The following ZNF782 variants were observed in gnomAD, a reference collection of about 807,000 sequenced individuals.
ZNF782 encodes the protein zinc finger protein 782.
Under a neutral mutation model 13.0 loss-of-function variants are expected in ZNF782, and 12 were observed. The observed-to-expected ratio is 0.92, with a 90% confidence interval of 0.59 to 1.50. The LOEUF is 1.50. Among genes scored for constraint, ZNF782 ranks in the 40% most tolerant of loss-of-function variants. ZNF782 has a pLI of 0.00. For missense variants in ZNF782, 770 were observed against 822.9 expected, an observed-to-expected ratio of 0.94 and a Z score of 0.79; for synonymous variants, 284 against 283.0, an observed-to-expected ratio of 1.00 and a Z score of -0.04.
intron 1 of ZNF782, among the ~76,000 whole-genome samples, chr9:96,862,333 A>G (rs1464631660): frequency 6.6e-6 from 1 of 152,236 alleles, no homozygotes; most frequent in African/African-American, 2.4e-5. Flanking sequence ...ACTACTGTCA[A>G]TAATTATTTA....
At chr9:96,849,896 AT>A (rs1851441703) in intron 3 of ZNF782, among the ~76,000 whole-genome samples, 1 of 152,202 alleles carries the variant, frequency 6.6e-6, no homozygotes, top group Non-Finnish European at 1.5e-5. Context: ...CAATAAACAC[AT>A]GAAAAAAAAA....
At chr9:96,861,978 C>CT (rs1327439789) in intron 1 of ZNF782, among the ~76,000 whole-genome samples, 1 of 152,210 alleles carries the variant, frequency 6.6e-6, no homozygotes, top group Non-Finnish European at 1.5e-5. Context: ...TATTGCAGCA[C>CT]TGTTCACAAC....
chr9:96,877,821 G>C (rs184229072), upstream of ZNF782, among the ~76,000 whole-genome samples: 1 of 152,110 alleles, frequency 6.6e-6, no homozygotes, highest in Non-Finnish European at 1.5e-5. Flanking sequence ...TTTTTGGGGG[G>C]AAGGACAAAA....
Position 96,819,142 on chromosome 9 carries a change from A to C in ZNF782, c.881T>G (p.Phe294Cys), listed in dbSNP as rs1850307348. The C allele has an allele frequency of 1.9e-6, 3 of 1,613,728 alleles. No individual in the cohort carries two copies. The East Asian group carries it at 6.7e-5, about 36-fold the overall frequency. Residue 294 changes from phenylalanine to cysteine, a missense_variant, in exon 6 of 6, where the codon TTC becomes TGC. By Grantham distance (205) the Phe-to-Cys change is radical. Transcript: ENST00000481138. ...THKTLTGGKS[F>C]SQKSHIREHH... ...TTCTCTAATGTGTGACTTTTGGCTG[A>C]AGGATTTCCCTCCTGTGAGAGTTTT... is the stretch of plus-strand genomic sequence containing the variant.
the ZNF782 span, among the ~76,000 whole-genome samples, chr9:96,925,999 A>C: frequency 7.7e-6 from 1 of 130,482 alleles, no homozygotes; most frequent in East Asian, 2.3e-4. Context: ...TTTAGCCACC[A>C]CCTTCTATGG....
At chr9:96,851,462 T>G (rs919495999) in intron 3 of ZNF782, among the ~76,000 whole-genome samples, 2 of 152,172 alleles carry the variant, frequency 1.3e-5, no homozygotes, top group Non-Finnish European at 2.9e-5. Context: ...TTTCCTTTCA[T>G]GAGACAACCA....
intron 2 of ZNF782, among the ~76,000 whole-genome samples, chr9:96,861,179 G>T (rs908604735): frequency 6.6e-6 from 1 of 152,132 alleles, no homozygotes; most frequent in Non-Finnish European, 1.5e-5. Context: ...ATATTGGACT[G>T]GGCAAATATT....
chr9:96,900,001 G>A, the ZNF782 span, among the ~76,000 whole-genome samples: 2 of 152,058 alleles, frequency 1.3e-5, no homozygotes, highest in African/African-American at 4.8e-5. Flanking sequence ...GTTTTGCCAC[G>A]TTGCCCAGGC....
intron 1 of ZNF782, 127 bp from the exon 2 acceptor site, chr9:96,853,196 C>G (rs1851553326): frequency 6.6e-6 from 1 of 152,530 alleles, no homozygotes; most frequent in African/African-American, 2.4e-5. Context: ...CCCTGGCCAC[C>G]ACCTAGCCCA....
the ZNF782 span, chr9:96,894,316 CA>C: frequency 2.0e-5 from 3 of 151,948 alleles, no homozygotes; most frequent in Non-Finnish European, 4.4e-5. Flanking sequence ...ACGTTGTGCA[CA>C]TGTACCCTAG....
intron 4 of ZNF782, among the ~76,000 whole-genome samples, chr9:96,840,607 A>C (rs1851157640): frequency 6.6e-6 from 1 of 152,034 alleles, no homozygotes; most frequent in Non-Finnish European, 1.5e-5. Flanking sequence ...CAAAAAGTGG[A>C]TATTAATTAA....
chr9:96,852,236 T>C (rs1851513973), intron 2 of ZNF782, among the ~76,000 whole-genome samples: 1 of 152,222 alleles, frequency 6.6e-6, no homozygotes, highest in South Asian at 2.1e-4. Flanking sequence ...CATAAACTTT[T>C]CCCAATTGAT....
chr9:96,921,263 G>T, the ZNF782 span, among the ~76,000 whole-genome samples: 1 of 148,940 alleles, frequency 6.7e-6, no homozygotes, highest in Admixed American at 6.7e-5. Flanking sequence ...GAGTGTGGTG[G>T]CTCACGCCTG....
chr9:96,818,709 T>G lies in ZNF782; in HGVS notation c.1314A>C (p.Arg438Ser). The change falls in exon 6 of 6, where the codon AGA (arginine) becomes AGC (serine). Residue 438 changes from arginine to serine, a missense_variant. Transcript: ENST00000481138. ...DKAFSAKSGL[R>S]IHQRTHTGEK... The stretch of plus-strand genomic sequence containing the variant: ...CCCCTGTGTGGGTTCTCTGGTGTAT[T>G]CTTAGGCCTGACTTTGCACTGAAAG... 6.2e-7 allele frequency: 1 copy of G among 1,613,738 alleles called. No individual in the cohort carries two copies. Among genetic ancestry groups the G allele is most frequent in the Non-Finnish European group, 8.5e-7 (1 of 1,179,944 alleles).
chr9:96,897,195 T>C, the ZNF782 span, among the ~76,000 whole-genome samples: 13 of 152,336 alleles, frequency 8.5e-5, no homozygotes, highest in East Asian at 2.1e-3. Flanking sequence ...GAGAGTTTCA[T>C]GTGCCTGACG....
chr9:96,880,298 C>T (rs553364206), upstream of ZNF782, among the ~76,000 whole-genome samples: 158 of 152,122 alleles, frequency 1.0e-3, no homozygotes, highest in African/African-American at 3.6e-3. Flanking sequence ...ATTGTAATGG[C>T]CAGGATTCCC....
the ZNF782 span, among the ~76,000 whole-genome samples, chr9:96,926,477 G>C: frequency 6.6e-6 from 1 of 152,226 alleles, no homozygotes; most frequent in Non-Finnish European, 1.5e-5. Flanking sequence ...CACAGCAGAA[G>C]AGGGCTGCAT....
intron 4 of ZNF782, among the ~76,000 whole-genome samples, chr9:96,843,332 A>C (rs1198401358): frequency 6.6e-6 from 1 of 152,198 alleles, no homozygotes. Flanking sequence ...TCATACAGTG[A>C]AATACTACGT....
At chr9:96,897,529 C>T in the ZNF782 span, among the ~76,000 whole-genome samples, 1 of 151,936 alleles carries the variant, frequency 6.6e-6, no homozygotes, top group African/African-American at 2.4e-5. Flanking sequence ...TTCCACTCCA[C>T]AGGCACACGT....
Sources: gnomAD v4.1 joint callset for allele counts (sites outside exome capture counted in the v4.1 genomes callset) on GRCh38, gnomAD v4.1.1 for gene constraint, MANE v1.5 for transcripts, NCBI Gene and HGNC (gene_info 2026-07-23, HGNC 2026-07-21) for gene names.